USH2A: variants seen among roughly 807,000 people sequenced by gnomAD.
The protein encoded by USH2A is usherin.
A neutral mutation model predicts 538.9 loss-of-function variants in USH2A; 443 were observed. The observed-to-expected ratio is 0.82, with a 90% CI of 0.76 to 0.89. The LOEUF is 0.89. Ranked by LOEUF, USH2A falls within the 40% of genes least tolerant of loss-of-function variation. USH2A has a pLI of 0.00. For missense variants in USH2A, 6,633 were observed against 6,324.8 expected (o/e 1.05, Z -1.65); for synonymous variants, 2,413 against 2,273.5 (o/e 1.06, Z -1.75).
rs751793874 is a variant in USH2A, at chr1:216,231,938, C to T, written c.2993+15G>A. 2 of 1,613,830 alleles carry T rather than the reference C, an allele frequency of 1.2e-6. No homozygotes were observed. The highest frequency in any genetic ancestry group is 3.3e-5 in the Admixed American group (2 of 60,008). ...TAAAGAAAGAGTTAAATTATTAAAG[C>T]TTATAAAGATGTACCTTCCAGTCTG... On this transcript the variant is annotated intron_variant, in intron 14 of 71. Coordinates refer to ENST00000307340, the MANE Select transcript of USH2A (RefSeq NM_206933.4).
chr1:215,670,021 A>G (rs2102660315), intron 64 of USH2A, among the ~76,000 whole-genome samples: 1 of 152,364 alleles, frequency 6.6e-6, no homozygotes, highest in Middle Eastern at 3.4e-3. Flanking sequence ...ACTGCAAGCA[A>G]GAGGCACTGA....
intron 57 of USH2A, 107 bp from the exon 58 acceptor site, chr1:215,758,859 T>A: frequency 8.0e-7 from 1 of 1,248,318 alleles, no homozygotes; most frequent in Non-Finnish European, 1.1e-6. Flanking sequence ...TGTGACAAAT[T>A]GCAAACTCTT....
intron 11 of USH2A, among the ~76,000 whole-genome samples, chr1:216,279,979 C>G (rs568741512): frequency 6.6e-6 from 1 of 151,542 alleles, no homozygotes; most frequent in African/African-American, 2.4e-5. Context: ...TGGAGACAAG[C>G]GGCTCACTCC....
intron 9 of USH2A, among the ~76,000 whole-genome samples, chr1:216,307,432 C>T (rs1251528398): frequency 6.6e-6 from 1 of 152,170 alleles, no homozygotes; most frequent in Non-Finnish European, 1.5e-5. Context: ...CACAACAGCA[C>T]TGAGTTTATT....
At chr1:215,810,575 T>A (rs1429450424) in intron 49 of USH2A, among the ~76,000 whole-genome samples, 1 of 152,214 alleles carries the variant, frequency 6.6e-6, no homozygotes, top group African/African-American at 2.4e-5. Context: ...CTTAGTTCCA[T>A]GATCAACTTG....
chr1:216,104,073 CT>C (rs143293483), intron 21 of USH2A, among the ~76,000 whole-genome samples: 5,653 of 150,864 alleles, frequency 0.037, 360 homozygotes, highest in African/African-American at 0.13. Flanking sequence ...AGTTTTGATT[CT>C]TTTTTTTTAT....
At chr1:215,920,732 T>C (rs1451916542) in intron 38 of USH2A, among the ~76,000 whole-genome samples, 2 of 152,078 alleles carry the variant, frequency 1.3e-5, no homozygotes, top group Admixed American at 1.3e-4. Flanking sequence ...CACTGTGCTT[T>C]ACAAATGCAC....
At chr1:215,789,663 G>T (rs1465665599) in intron 51 of USH2A, among the ~76,000 whole-genome samples, 8 of 152,158 alleles carry the variant, frequency 5.3e-5, no homozygotes, top group Non-Finnish European at 1.2e-4. Flanking sequence ...CTCTATCAAA[G>T]GAAAGTGGTG....
chr1:215,998,534 T>C (rs1291530264), intron 34 of USH2A, among the ~76,000 whole-genome samples: 1 of 152,088 alleles, frequency 6.6e-6, no homozygotes, highest in Non-Finnish European at 1.5e-5. Flanking sequence ...TTTAAATGAA[T>C]ACAAATGCCA....
chr1:216,091,758 G>C (rs1006282381), intron 22 of USH2A, among the ~76,000 whole-genome samples: 3 of 152,102 alleles, frequency 2.0e-5, no homozygotes, highest in African/African-American at 7.2e-5. Context: ...ATAAATATGT[G>C]CTAGATAACT....
chr1:216,347,474 G>A (rs1361630365), intron 4 of USH2A, among the ~76,000 whole-genome samples: 2 of 152,018 alleles, frequency 1.3e-5, no homozygotes, highest in African/African-American at 4.8e-5. Flanking sequence ...TAATCTCTTA[G>A]CTATTAGGTG....
At chr1:216,298,333 T>G (rs114562282) in intron 9 of USH2A, among the ~76,000 whole-genome samples, 2 of 152,192 alleles carry the variant, frequency 1.3e-5, no homozygotes, top group Non-Finnish European at 2.9e-5. Flanking sequence ...TTGCTATTTC[T>G]AGGAAGACAT....
intron 30 of USH2A, among the ~76,000 whole-genome samples, chr1:216,067,249 C>G (rs1400639248): frequency 6.6e-6 from 1 of 151,912 alleles, no homozygotes; most frequent in Non-Finnish European, 1.5e-5. Context: ...CATCACATAT[C>G]GGGGCCTGTC....
At chr1:216,241,114 G>A (rs922773283) in intron 13 of USH2A, among the ~76,000 whole-genome samples, 2 of 152,084 alleles carry the variant, frequency 1.3e-5, no homozygotes, top group African/African-American at 4.8e-5. Flanking sequence ...TCATAATAAA[G>A]AAATCTCTGA....
At chr1:215,894,167 A>T (rs1665269494) in intron 40 of USH2A, among the ~76,000 whole-genome samples, 1 of 152,190 alleles carries the variant, frequency 6.6e-6, no homozygotes, top group Admixed American at 6.5e-5. Context: ...TGGAGAAAGC[A>T]AAATAGTTGT....
At chr1:215,635,623 T>C (rs1656456317) in intron 69 of USH2A, among the ~76,000 whole-genome samples, 1 of 151,830 alleles carries the variant, frequency 6.6e-6, no homozygotes, top group Non-Finnish European at 1.5e-5. Flanking sequence ...TGGTGTGATC[T>C]CCGCTCACTG....
chr1:216,237,509 A>G (rs1302194727), intron 13 of USH2A, among the ~76,000 whole-genome samples: 2 of 151,560 alleles, frequency 1.3e-5, no homozygotes, highest in Non-Finnish European at 1.5e-5. Context: ...AAAAAAAAAA[A>G]AAAAAGAAAG....
intron 3 of USH2A, among the ~76,000 whole-genome samples, chr1:216,385,615 C>T (rs1328157484): frequency 6.6e-5 from 10 of 152,126 alleles, no homozygotes; most frequent in Admixed American, 5.9e-4. Flanking sequence ...GCCAAGCTAC[C>T]TCTAGCTTAA....
chr1:215,667,575 C>T (rs1401957250), intron 64 of USH2A, among the ~76,000 whole-genome samples: 2 of 151,990 alleles, frequency 1.3e-5, no homozygotes, highest in Non-Finnish European at 2.9e-5. Context: ...TGGCGGGCGC[C>T]TGTAATCCCA....
Sources: allele counts gnomAD v4.1 joint callset (sites outside exome capture counted in the v4.1 genomes callset), GRCh38; gene constraint gnomAD v4.1.1; transcripts MANE v1.5; gene names NCBI Gene and HGNC (gene_info 2026-07-23, HGNC 2026-07-21).